Variants in DCDC2 observed in about 807,000 individuals in gnomAD.
The protein encoded by DCDC2 is doublecortin domain-containing protein 2.
DCDC2 carries 40 observed loss-of-function variants against 50.2 expected under a neutral mutation model. That is an observed-to-expected ratio of 0.80 (90% CI 0.62 to 1.04). The LOEUF is 1.04. DCDC2 is among the 50% of genes least tolerant of loss of function. DCDC2 has a pLI of 0.00. For synonymous variants in DCDC2, 234 were observed against 210.6 expected, an observed-to-expected ratio of 1.11 and a Z score of -0.96; for missense variants, 570 against 581.9, an observed-to-expected ratio of 0.98 and a Z score of 0.21.
intron 8 of DCDC2, among the ~76,000 whole-genome samples, chr6:24,181,083 A>C (rs533132475): frequency 6.6e-6 from 1 of 152,260 alleles, no homozygotes; most frequent in East Asian, 1.9e-4. Context: ...AGGCTGTTCA[A>C]ATTTTATTCG....
At chr6:24,325,306 T>G (rs944955828) in intron 2 of DCDC2, among the ~76,000 whole-genome samples, 2 of 149,750 alleles carry the variant, frequency 1.3e-5, no homozygotes. Flanking sequence ...TATGAGGTCC[T>G]CTGGGCGAAA....
the DCDC2 span, among the ~76,000 whole-genome samples, chr6:24,381,706 A>T: frequency 6.6e-6 from 1 of 151,908 alleles, no homozygotes; most frequent in South Asian, 2.1e-4. Flanking sequence ...GCAGTTTGGG[A>T]GGCTGAGGCA....
At chr6:24,246,216 C>T (rs1322608483) in intron 7 of DCDC2, among the ~76,000 whole-genome samples, 1 of 152,048 alleles carries the variant, frequency 6.6e-6, no homozygotes, top group Non-Finnish European at 1.5e-5. Context: ...CAAATCCCAT[C>T]AAGCCGAATT....
chr6:24,250,632 T>C (rs1762777650), intron 7 of DCDC2, among the ~76,000 whole-genome samples: 1 of 152,164 alleles, frequency 6.6e-6, no homozygotes, highest in South Asian at 2.1e-4. Context: ...ATAAAATATG[T>C]GAACAATTCT....
chr6:24,278,202 G>T lies in DCDC2; in HGVS notation c.769C>A (p.Arg257Ser). The change falls in exon 7 of 10, where the codon CGC (arginine) becomes AGC (serine). Residue 257 changes from arginine to serine, a missense_variant. Transcript: ENST00000378454. ...GATCCAACTGTTGACTTAGAGTGGC[G>T]ATCATTTCCCTAAATGGCAAAGTAT... ...SRKSKGSGND[R>S]HSKSTVGSSD... 6.2e-7 allele frequency: 1 copy of T among 1,606,456 alleles called. No homozygotes were observed. Among genetic ancestry groups the T allele is most frequent in the Non-Finnish European group, 8.5e-7 (1 of 1,177,872 alleles).
In DCDC2 at chr6:24,357,499, G is replaced by T; in HGVS notation, c.252C>A (p.Gly84=). The T allele has an allele frequency of 1.9e-6, 3 of 1,610,994 alleles. No homozygotes were observed. Among genetic ancestry groups the T allele is most frequent in the Non-Finnish European group, 2.5e-6 (3 of 1,178,308 alleles). The change falls in exon 1 of 10, where the codon GGC becomes GGA. Residue 84 remains glycine (G), a synonymous_variant. Coordinates refer to ENST00000378454, the MANE Select transcript of DCDC2 (RefSeq NM_016356.5). The part of the protein sequence containing the change: ...IRKLDQIQSG[G]NYVAGGQEAF... ...CTTCCTGGCCTCCAGCCACGTAATT[G>T]CCCCCGCTCTGGATCTGGTCTAGCT...
chr6:24,255,506 G>A (rs1193920816), intron 7 of DCDC2, among the ~76,000 whole-genome samples: 2 of 151,972 alleles, frequency 1.3e-5, no homozygotes, highest in Non-Finnish European at 2.9e-5. Context: ...AGAAAGTGAT[G>A]ACAAGCCACA....
At chr6:24,238,513 G>A (rs950758479) in intron 7 of DCDC2, among the ~76,000 whole-genome samples, 6 of 151,852 alleles carry the variant, frequency 4.0e-5, no homozygotes, top group Non-Finnish European at 8.8e-5. Flanking sequence ...TGGCCAGGCT[G>A]GTCTCAAACT....
chr6:24,381,959 A>AAGGAAGGAAGGAAGGAAGGAAG, the DCDC2 span, among the ~76,000 whole-genome samples: 2 of 103,580 alleles, frequency 1.9e-5, no homozygotes, highest in African/African-American at 7.0e-5. Flanking sequence ...AAGGAAAGAA[A>AAGGAAGGAAGGAAGGAAGGAAG]GAAGGAAGGA....
intron 2 of DCDC2, among the ~76,000 whole-genome samples, chr6:24,303,577 A>G (rs1232470848): frequency 1.3e-5 from 2 of 152,178 alleles, no homozygotes; most frequent in Non-Finnish European, 2.9e-5. Context: ...TACAGCTACT[A>G]TAGTATTGAT....
chr6:24,352,267 C>A (rs1760388041), intron 2 of DCDC2, among the ~76,000 whole-genome samples: 1 of 152,104 alleles, frequency 6.6e-6, no homozygotes, highest in South Asian at 2.1e-4. Context: ...TGCGGAAGTC[C>A]AGGTTTCTTC....
intron 8 of DCDC2, among the ~76,000 whole-genome samples, chr6:24,193,192 CAAAG>C (rs1761349283): frequency 6.6e-6 from 1 of 151,948 alleles, no homozygotes; most frequent in Admixed American, 6.6e-5. Flanking sequence ...TTCAGACATG[CAAAG>C]TCTCAGAAAA....
At chr6:24,258,810 T>C (rs1394440821) in intron 7 of DCDC2, among the ~76,000 whole-genome samples, 1 of 152,198 alleles carries the variant, frequency 6.6e-6, no homozygotes, top group Non-Finnish European at 1.5e-5. Context: ...AGAGCTCACC[T>C]GCCTCAACCA....
chr6:24,341,947 TACACAC>T (rs10540083), intron 2 of DCDC2, among the ~76,000 whole-genome samples: 2 of 151,624 alleles, frequency 1.3e-5, no homozygotes, highest in Admixed American at 1.3e-4. Flanking sequence ...TGTGCACGCG[TACACAC>T]ACACACACAC....
At chr6:24,350,886 A>C (rs1760356754) in intron 2 of DCDC2, among the ~76,000 whole-genome samples, 1 of 152,202 alleles carries the variant, frequency 6.6e-6, no homozygotes, top group Non-Finnish European at 1.5e-5. Context: ...ATTTTTGTGA[A>C]ATGCCAGTGT....
At chr6:24,255,920 A>T (rs1226802132) in intron 7 of DCDC2, among the ~76,000 whole-genome samples, 1 of 152,174 alleles carries the variant, frequency 6.6e-6, no homozygotes, top group Non-Finnish European at 1.5e-5. Flanking sequence ...ACACATGCTG[A>T]CTAGAGGAAA....
chr6:24,187,463 A>T (rs998771628), intron 8 of DCDC2, among the ~76,000 whole-genome samples: 1 of 151,960 alleles, frequency 6.6e-6, no homozygotes, highest in Non-Finnish European at 1.5e-5. Context: ...CCCTCCTAAT[A>T]CTTGCTAAGA....
At chr6:24,232,004 T>TATAC (rs774567630) in intron 7 of DCDC2, among the ~76,000 whole-genome samples, 87 of 148,516 alleles carry the variant, frequency 5.9e-4, no homozygotes, top group African/African-American at 2.0e-3. Context: ...CATATATATA[T>TATAC]ACACACACAC....
At chr6:24,297,063 A>C (rs1241520257) in intron 4 of DCDC2, among the ~76,000 whole-genome samples, 4 of 152,232 alleles carry the variant, frequency 2.6e-5, no homozygotes, top group African/African-American at 9.6e-5. Flanking sequence ...GAATTAAACT[A>C]AATGTCCATC....
Sources: gnomAD v4.1 joint callset for allele counts (sites outside exome capture counted in the v4.1 genomes callset) on GRCh38, gnomAD v4.1.1 for gene constraint, MANE v1.5 for transcripts, NCBI Gene and HGNC (gene_info 2026-07-23, HGNC 2026-07-21) for gene names.